GRID2: variants seen among roughly 807,000 people sequenced by gnomAD.
GRID2 encodes the protein glutamate receptor ionotropic, delta-2.
A neutral mutation model predicts 114.8 loss-of-function variants in GRID2; 33 were observed. The ratio of observed to expected loss-of-function variants is 0.29; its 90% confidence interval spans 0.22 to 0.38. The LOEUF is 0.38. Among genes scored for constraint, GRID2 ranks in the 10% least tolerant of loss-of-function variants. The pLI is 1.00. For missense variants in GRID2, 1,184 were observed against 1,257.7 expected, an observed-to-expected ratio of 0.94 and a Z score of 0.89; for synonymous variants, 505 against 449.9, an observed-to-expected ratio of 1.12 and a Z score of -1.55.
At chr4:92,981,829 T>G (rs974186596) in intron 2 of GRID2, among the ~76,000 whole-genome samples, 1 of 151,796 alleles carries the variant, frequency 6.6e-6, no homozygotes, top group Non-Finnish European at 1.5e-5. Flanking sequence ...TTTTAAAAAT[T>G]ATTTCCATTT....
At chr4:92,510,480 A>T (rs1724188382) in intron 1 of GRID2, among the ~76,000 whole-genome samples, 1 of 151,800 alleles carries the variant, frequency 6.6e-6, no homozygotes, top group South Asian at 2.1e-4. Context: ...AATTTTAGCT[A>T]TTTTTCAAGT....
Position 93,233,339 on chromosome 4 carries a change from T to A in GRID2, c.1126-5032T>A, listed in dbSNP as rs574230255. ...ATTATTATTATTATTATTATTATTT[T>A]TTTTTTTATTTTTTATTTTTTGAGA... On this transcript the variant is annotated intron_variant, in intron 7 of 15. Coordinates refer to ENST00000282020, the MANE Select transcript of GRID2 (RefSeq NM_001510.4). Among the ~76,000 whole-genome samples the A allele has an allele frequency of 5.4e-3, 819 of 150,404 alleles. 8 individuals carry two copies. Among genetic ancestry groups the A allele is most frequent in the African/African-American group, 0.017 (708 of 40,758 alleles).
chr4:93,728,868 G>A (rs1578678519), intron 14 of GRID2, among the ~76,000 whole-genome samples: 1 of 151,906 alleles, frequency 6.6e-6, no homozygotes, highest in East Asian at 1.9e-4. Flanking sequence ...TTTATTTTGA[G>A]CCTATGTGTG....
intron 12 of GRID2, 53 bp downstream of exon 12, chr4:93,490,830 GC>G: frequency 8.0e-7 from 1 of 1,247,404 alleles, no homozygotes. Context: ...GATAAGAGTG[GC>G]CAAAGCTATC....
chr4:92,735,616 C>T (rs1333550146), intron 2 of GRID2, among the ~76,000 whole-genome samples: 3 of 152,110 alleles, frequency 2.0e-5, no homozygotes, highest in Non-Finnish European at 4.4e-5. Context: ...ATTAACTACA[C>T]TCTTTGAACT....
intron 1 of GRID2, among the ~76,000 whole-genome samples, chr4:92,584,831 A>C (rs1004281666): frequency 4.6e-5 from 7 of 152,050 alleles, no homozygotes; most frequent in Non-Finnish European, 8.8e-5. Flanking sequence ...AAACAAGGAC[A>C]CCTAACCTCC....
chr4:93,220,186 A>ATC (rs1744709861), intron 6 of GRID2, among the ~76,000 whole-genome samples: 1 of 152,114 alleles, frequency 6.6e-6, no homozygotes, highest in Non-Finnish European at 1.5e-5. Flanking sequence ...AGTACCTCAG[A>ATC]TAAGACAACA....
chr4:93,560,423 G>A (rs1734812277), intron 13 of GRID2, among the ~76,000 whole-genome samples: 1 of 151,862 alleles, frequency 6.6e-6, no homozygotes, highest in Non-Finnish European at 1.5e-5. Context: ...ATCACATGGT[G>A]GAAGCTGGAG....
intron 5 of GRID2, among the ~76,000 whole-genome samples, chr4:93,209,475 A>C (rs1385339156): frequency 6.6e-6 from 1 of 152,060 alleles, no homozygotes; most frequent in East Asian, 1.9e-4. Flanking sequence ...TATGTGCCAC[A>C]TTTTCTTTAT....
At chr4:92,954,988 G>C (rs1476245257) in intron 2 of GRID2, among the ~76,000 whole-genome samples, 1 of 114,452 alleles carries the variant, frequency 8.7e-6, no homozygotes, top group East Asian at 2.4e-4. Context: ...GTGTATATGT[G>C]CCACATTTTC....
intron 13 of GRID2, among the ~76,000 whole-genome samples, chr4:93,607,651 G>C (rs1425134622): frequency 6.6e-6 from 1 of 152,032 alleles, no homozygotes; most frequent in Non-Finnish European, 1.5e-5. Flanking sequence ...GTTTCCACTA[G>C]CAATATGTGA....
At chr4:93,802,379 AGTGT>A (rs143346784) in intron 1 of GRID2, among the ~76,000 whole-genome samples, 10 of 151,016 alleles carry the variant, frequency 6.6e-5, no homozygotes, top group Admixed American at 2.0e-4. Flanking sequence ...TGTGAGAGTG[AGTGT>A]GTGTGTGTGT....
intron 2 of GRID2, among the ~76,000 whole-genome samples, chr4:92,978,124 T>C (rs1753981366): frequency 6.6e-6 from 1 of 152,094 alleles, no homozygotes; most frequent in Admixed American, 6.5e-5. Context: ...AGTGTGCCTA[T>C]GGAAAGGGCA....
chr4:92,795,860 C>T (rs1474074896), intron 2 of GRID2, among the ~76,000 whole-genome samples: 2 of 151,912 alleles, frequency 1.3e-5, no homozygotes, highest in African/African-American at 4.8e-5. Context: ...TGTCTATTAG[C>T]TCTTCAATTC....
At chr4:93,057,576 A>T (rs769316053) in intron 2 of GRID2, among the ~76,000 whole-genome samples, 1 of 151,862 alleles carries the variant, frequency 6.6e-6, no homozygotes, top group Non-Finnish European at 1.5e-5. Context: ...ATCTCTACGT[A>T]TGCGTTATTG....
At chr4:92,764,438 C>G (rs1738164022) in intron 2 of GRID2, among the ~76,000 whole-genome samples, 1 of 152,080 alleles carries the variant, frequency 6.6e-6, no homozygotes, top group African/African-American at 2.4e-5. Context: ...TGTGGACAAC[C>G]CATTGCTCAG....
intron 1 of GRID2, among the ~76,000 whole-genome samples, chr4:92,468,513 T>C (rs890028109): frequency 5.3e-5 from 8 of 152,050 alleles, no homozygotes; most frequent in Non-Finnish European, 1.0e-4. Flanking sequence ...AAATATTTAT[T>C]TATTTTTAAA....
chr4:93,242,062 T>C (rs909848755), intron 8 of GRID2, among the ~76,000 whole-genome samples: 1 of 151,836 alleles, frequency 6.6e-6, no homozygotes, highest in Non-Finnish European at 1.5e-5. Context: ...TCCAGGGTGA[T>C]AAGGGGTAGG....
At chr4:93,596,779 C>T (rs975964922) in intron 13 of GRID2, among the ~76,000 whole-genome samples, 2 of 152,124 alleles carry the variant, frequency 1.3e-5, no homozygotes, top group African/African-American at 4.8e-5. Context: ...CGATCTGTCT[C>T]ATTGTTGGAT....
Sources: allele counts gnomAD v4.1 joint callset (sites outside exome capture counted in the v4.1 genomes callset), GRCh38; gene constraint gnomAD v4.1.1; transcripts MANE v1.5; gene names NCBI Gene and HGNC (gene_info 2026-07-23, HGNC 2026-07-21).